The following MMAA variants were observed in gnomAD, a reference collection of about 807,000 sequenced individuals.
MMAA encodes the protein methylmalonic aciduria type A protein, mitochondrial.
In MMAA, 41 loss-of-function variants were observed where a neutral mutation model predicts 45.0. The ratio of observed to expected loss-of-function variants is 0.91; its 90% confidence interval spans 0.71 to 1.18. The LOEUF (loss-of-function observed/expected upper bound fraction) is 1.18, where lower values mean the gene tolerates loss of function less well. Among genes scored for constraint, MMAA ranks in the 50% most tolerant of loss-of-function variants. The pLI, the probability that MMAA is intolerant of heterozygous loss-of-function variation, is 0.00. For synonymous variants in MMAA, 154 were observed against 178.2 expected (o/e 0.86, Z 1.08); for missense variants, 460 against 495.7 (o/e 0.93, Z 0.68).
intron 4 of MMAA, among the ~76,000 whole-genome samples, chr4:145,648,175 T>C (rs1727989128): frequency 7.3e-6 from 1 of 137,856 alleles, no homozygotes; most frequent in Admixed American, 7.8e-5. Flanking sequence ...AAAGACAGAG[T>C]CTCGCTCTGT....
intron 1 of MMAA, chr4:145,624,220 G>A (rs1734149335): frequency 4.9e-6 from 4 of 823,216 alleles, no homozygotes; most frequent in South Asian, 4.0e-5. Context: ...CTGCATACAG[G>A]CAAAGAGATC....
In MMAA at chr4:145,659,144, C is replaced by A. The variant is rs1311848287; in HGVS notation, c.*3710C>A. On this transcript the variant is annotated 3_prime_UTR_variant, in exon 7 of 7. Transcript: ENST00000649156. ...GAAAAACTCTTTAACAAATGTTTTT[C>A]TTTCCGTAGTATTTTAATTAAAATT... is the stretch of plus-strand genomic sequence containing the variant. The A allele has an allele frequency of 6.6e-6, 1 of 152,132 alleles. No individual in the cohort carries two copies. Among genetic ancestry groups the A allele is most frequent in the Non-Finnish European group, 1.5e-5 (1 of 68,000 alleles). The allele number at this position is 152,132 out of a possible 1,614,324, so 9.4% of individuals were successfully genotyped here.
chr4:145,639,717 C>T, intron 2 of MMAA, 139 bp downstream of exon 2: 1 of 1,426,102 alleles, frequency 7.0e-7, no homozygotes, highest in Non-Finnish European at 9.2e-7. Flanking sequence ...AATGAGTTTT[C>T]CTGGCAAATA....
At chr4:145,638,286 G>A (rs1205255601) in intron 1 of MMAA, among the ~76,000 whole-genome samples, 2 of 152,124 alleles carry the variant, frequency 1.3e-5, no homozygotes, top group African/African-American at 2.4e-5. Flanking sequence ...GGAGAATGGC[G>A]TGAACCCGGG....
chr4:145,628,166 G>A (rs1355390078), intron 1 of MMAA, among the ~76,000 whole-genome samples: 2 of 152,158 alleles, frequency 1.3e-5, no homozygotes, highest in Non-Finnish European at 2.9e-5. Context: ...ATCATGAGTA[G>A]TTATTAGGCA....
chr4:145,653,002 T>A (rs186321502), intron 5 of MMAA, among the ~76,000 whole-genome samples: 10 of 152,112 alleles, frequency 6.6e-5, no homozygotes, highest in Admixed American at 5.9e-4. Context: ...CCCAGGTAGC[T>A]GGGACTACAG....
Position 145,655,723 on chromosome 4 carries a change from G to A in MMAA, c.*289G>A, listed in dbSNP as rs1728211906. 5.2e-5 allele frequency: 13 copies of A among 251,256 alleles called. No individual in the cohort carries two copies. The South Asian group carries it at 1.3e-3, about 24-fold the overall frequency. 15.6% of individuals were successfully genotyped at this position (251,256 alleles called of 1,614,324 possible). ...TTAATAGTCAAGAACAGAGAAAGCT[G>A]AGGAGAGCAGAAAATATCTTGCACT... On this transcript the variant is annotated 3_prime_UTR_variant, in exon 7 of 7. Transcript: ENST00000649156.
chr4:145,625,808 G>A, intron 1 of MMAA: 1 of 1,149,650 alleles, frequency 8.7e-7, no homozygotes, highest in Non-Finnish European at 1.3e-6. Flanking sequence ...GCTGATAGAT[G>A]AGGTCCACCT....
rs979942593 is a variant in MMAA, at chr4:145,655,991, G to C, written c.*557G>C. On this transcript the variant is annotated 3_prime_UTR_variant, in exon 7 of 7. Coordinates refer to ENST00000649156, the MANE Select transcript of MMAA (RefSeq NM_172250.3). ...GTGAACACAATTTTAAAGTCTGCTT[G>C]TCTGGATTTGCAGGTACCCTTCCGC... 3 of 152,200 alleles carry C rather than the reference G, an allele frequency of 2.0e-5. No homozygotes were observed. Among genetic ancestry groups the C allele is most frequent in the Non-Finnish European group, 4.4e-5 (3 of 68,058 alleles). The allele number at this position is 152,200 out of a possible 1,614,324, so 9.4% of individuals were successfully genotyped here. A position where few individuals can be genotyped will look rare whatever the true frequency, so the allele number is the denominator to read the frequency against.
chr4:145,647,523 T>G (rs1350051110), intron 4 of MMAA, among the ~76,000 whole-genome samples: 7 of 152,218 alleles, frequency 4.6e-5, no homozygotes, highest in Admixed American at 4.6e-4. Context: ...TACCACAGAC[T>G]GGGTGGCTTA....
chr4:145,653,796 G>A (rs960357525), intron 5 of MMAA, among the ~76,000 whole-genome samples, 198 bp from the exon 6 acceptor site: 3 of 152,224 alleles, frequency 2.0e-5, no homozygotes, highest in African/African-American at 7.2e-5. Context: ...ATTTGGAAGA[G>A]ATATTACAGA....
In MMAA at chr4:145,658,253, T is replaced by C. The variant is rs1048512263; in HGVS notation, c.*2819T>C. The C allele has an allele frequency of 2.0e-5, 3 of 152,232 alleles. No homozygotes were observed. Among genetic ancestry groups the C allele is most frequent in the African/African-American group, 7.2e-5 (3 of 41,452 alleles). The allele number at this position is 152,232 out of a possible 1,614,324, so 9.4% of individuals were successfully genotyped here. A position where few individuals can be genotyped will look rare whatever the true frequency, so the allele number is the denominator to read the frequency against. On this transcript the variant is annotated 3_prime_UTR_variant, in exon 7 of 7. Transcript: ENST00000649156. Reference sequence around the variant, plus strand: ...TAAATTACCCAGTCGCAGATATTTATAGAAAGAACAGCCTAATACAGGTGC... The same window carrying C: ...TAAATTACCCAGTCGCAGATATTTACAGAAAGAACAGCCTAATACAGGTGC...
intron 2 of MMAA, 51 bp downstream of exon 2, chr4:145,639,629 T>C (rs1727727728): frequency 6.4e-7 from 1 of 1,558,282 alleles, no homozygotes; most frequent in African/African-American, 1.4e-5. Context: ...AAATTCTCTG[T>C]ATTCTGTTTT....
At position 145,649,777 on chromosome 4, in the gene MMAA, T is replaced by TA. The variant is rs1461146124; in HGVS notation, c.734-1284dup. Among the ~76,000 whole-genome samples, 8 of 150,484 alleles carry TA rather than the reference T, an allele frequency of 5.3e-5. No homozygotes were observed. The East Asian group carries it at 1.6e-3, about 30-fold the overall frequency. ...AGAGTTTCCAGAGTTTTGGTGGAAGTAGATTTTTTTTTGAGGTGGGGTATC... is the reference window on the plus strand; with the variant it reads ...AGAGTTTCCAGAGTTTTGGTGGAAGTAAGATTTTTTTTTGAGGTGGGGTATC... On this transcript the variant is annotated intron_variant, in intron 4 of 6. Coordinates refer to ENST00000649156, the MANE Select transcript of MMAA (RefSeq NM_172250.3).
chr4:145,632,592 A>T (rs919032400), intron 1 of MMAA, among the ~76,000 whole-genome samples: 1 of 151,956 alleles, frequency 6.6e-6, no homozygotes, highest in African/African-American at 2.4e-5. Flanking sequence ...CATTTTACCC[A>T]TCTCTTTTTC....
At chr4:145,631,715 T>G (rs1727438865) in intron 1 of MMAA, among the ~76,000 whole-genome samples, 1 of 152,140 alleles carries the variant, frequency 6.6e-6, no homozygotes, top group Non-Finnish European at 1.5e-5. Context: ...TCTTCCCTTC[T>G]TTCTTTCCTG....
At position 145,639,546 on chromosome 4, in the gene MMAA, CA is replaced by C. The variant is rs751832194; in HGVS notation, c.410del (p.Asn137IlefsTer6). 1.2e-6 allele frequency: 2 copies of C among 1,610,044 alleles called. No individual in the cohort carries two copies. Among genetic ancestry groups the C allele is most frequent in the Non-Finnish European group, 1.7e-6 (2 of 1,177,822 alleles). ...CTTTACCACAGAGAACAAGAACAAT[CA>C]AATAAAGGAAAACCACTAGCATTTC... is the stretch of plus-strand genomic sequence containing the variant. ...VLLYHREQEQSNKGKPLAFRV... is the reference protein window; with the variant it reads ...VLLYHREQEQXNKGKPLAFRV... On this transcript the variant is annotated frameshift_variant, in exon 2 of 7. Transcript: ENST00000649156. LOFTEE classifies it high-confidence loss of function.
chr4:145,624,977 G>T (rs1734170827), intron 1 of MMAA: 2 of 1,039,388 alleles, frequency 1.9e-6, no homozygotes, highest in South Asian at 2.6e-5. Context: ...CTGACAGTTG[G>T]TACAGGAGTC....
At chr4:145,651,184 T>C in intron 5 of MMAA, 37 bp downstream of exon 5, 1 of 1,536,400 alleles carries the variant, frequency 6.5e-7, no homozygotes, top group Non-Finnish European at 9.0e-7. Flanking sequence ...AAATATAAAA[T>C]GTATATCTCT....
Sources: gnomAD v4.1 joint callset for allele counts (sites outside exome capture counted in the v4.1 genomes callset) on GRCh38, gnomAD v4.1.1 for gene constraint, MANE v1.5 for transcripts, NCBI Gene and HGNC (gene_info 2026-07-23, HGNC 2026-07-21) for gene names.